Variants in RORA observed in about 807,000 individuals in gnomAD.
The protein encoded by RORA is nuclear receptor ROR-alpha.
In RORA, 7 loss-of-function variants were observed where a neutral mutation model predicts 69.5. The ratio of observed to expected loss-of-function variants is 0.10; its 90% CI spans 0.06 to 0.19. RORA has a LOEUF of 0.19. RORA is among the 10% of genes least tolerant of loss of function. The pLI is 1.00. For synonymous variants in RORA, 261 were observed against 240.8 expected, an observed-to-expected ratio of 1.08 and a Z score of -0.78; for missense variants, 457 against 663.0, an observed-to-expected ratio of 0.69 and a Z score of 3.41.
At chr15:61,143,337 C>T (rs1022228430) in intron 1 of RORA, among the ~76,000 whole-genome samples, 2 of 152,058 alleles carry the variant, frequency 1.3e-5, no homozygotes, top group Non-Finnish European at 1.5e-5. Flanking sequence ...GAAAGACAGA[C>T]TTTGTACTTA....
At chr15:60,597,611 TATATATACATACATATATATACATA>T (rs2068721193) in intron 2 of RORA, among the ~76,000 whole-genome samples, 1 of 44,594 alleles carries the variant, frequency 2.2e-5, no homozygotes, top group Non-Finnish European at 3.9e-5. Context: ...TATATATATA[TATATATACATACATATATATACATA>T]TATATATATA....
At chr15:61,012,916 C>G (rs969510079) in intron 1 of RORA, among the ~76,000 whole-genome samples, 19 of 152,318 alleles carry the variant, frequency 1.2e-4, no homozygotes, top group African/African-American at 4.6e-4. Context: ...TCCCAAAATG[C>G]TGGGATTATA....
At chr15:60,969,734 T>C (rs749130376) in intron 1 of RORA, among the ~76,000 whole-genome samples, 7 of 152,314 alleles carry the variant, frequency 4.6e-5, no homozygotes, top group Non-Finnish European at 1.0e-4. Context: ...GTTAGGTACA[T>C]GGTTTTCAGC....
At chr15:60,608,212 G>C (rs1440276912) in intron 2 of RORA, among the ~76,000 whole-genome samples, 1 of 152,184 alleles carries the variant, frequency 6.6e-6, no homozygotes, top group Non-Finnish European at 1.5e-5. Context: ...CATGGACGCG[G>C]AGCTCAGATG....
In RORA at chr15:60,818,826, A is replaced by G. The variant is rs192895073; in HGVS notation, c.167-140140T>C. Among the ~76,000 whole-genome samples, 61 of 152,336 alleles carry G rather than the reference A, an allele frequency of 4.0e-4. No individual in the cohort carries two copies. In the East Asian group the frequency reaches 7.9e-3, roughly 20 times the overall value. ...AGGTACATGTTTCTGAGCCCTGTGT[A>G]CATAAGCCCAGCACGAAACTTGCTA... On this transcript the variant is annotated intron_variant, in intron 1 of 10. Coordinates refer to ENST00000335670, the MANE Select transcript of RORA (RefSeq NM_134261.3).
At chr15:60,912,428 A>AAAAAC (rs1555393980) in intron 1 of RORA, among the ~76,000 whole-genome samples, 11 of 151,346 alleles carry the variant, frequency 7.3e-5, no homozygotes, top group East Asian at 1.9e-4. Flanking sequence ...CATGCCTCAA[A>AAAAAC]AAAACAAAAC....
chr15:61,012,123 T>C (rs894794987), intron 1 of RORA, among the ~76,000 whole-genome samples: 15 of 152,254 alleles, frequency 9.9e-5, no homozygotes, highest in African/African-American at 3.6e-4. Context: ...CAATATTTAC[T>C]GTGAGGCTCT....
At chr15:60,972,382 C>T (rs1893743740) in intron 1 of RORA, among the ~76,000 whole-genome samples, 1 of 152,180 alleles carries the variant, frequency 6.6e-6, no homozygotes, top group Admixed American at 6.5e-5. Context: ...GCTCACGAAG[C>T]ACTCCCGGGA....
At chr15:60,622,006 C>A (rs1199035725) in intron 2 of RORA, among the ~76,000 whole-genome samples, 1 of 151,964 alleles carries the variant, frequency 6.6e-6, no homozygotes, top group East Asian at 1.9e-4. Context: ...CAAGGTTGCA[C>A]CGTTGCACTC....
At chr15:60,849,650 CA>C (rs1041463574) in intron 1 of RORA, among the ~76,000 whole-genome samples, 28 of 152,196 alleles carry the variant, frequency 1.8e-4, no homozygotes, top group African/African-American at 6.5e-4. Context: ...TGCAAAACAA[CA>C]GCGAAGATAA....
At chr15:60,831,607 G>A (rs2073043128) in intron 1 of RORA, among the ~76,000 whole-genome samples, 1 of 152,112 alleles carries the variant, frequency 6.6e-6, no homozygotes, top group South Asian at 2.1e-4. Context: ...CCATATCCAT[G>A]CATTTGTCCC....
Position 61,128,800 on chromosome 15 carries a change from G to A in RORA, c.166+100253C>T, listed in dbSNP as rs747063767. ...ACCAAATATTGGCAATGCATCCTGA[G>A]ACAAGAGTCAAGTGCTAAGCAAAGT... On this transcript the variant is annotated intron_variant, in intron 1 of 10. Coordinates refer to ENST00000335670, the MANE Select transcript of RORA (RefSeq NM_134261.3). This position sits in a 1 kb window ranked among gnomAD's most constrained non-coding sequence, Gnocchi z 4.5. Among the ~76,000 whole-genome samples the A allele has an allele frequency of 1.3e-5, 2 of 152,112 alleles. No homozygotes were observed. Among genetic ancestry groups the A allele is most frequent in the Non-Finnish European group, 2.9e-5 (2 of 68,020 alleles).
At chr15:60,582,373 T>A (rs147973575) in intron 2 of RORA, among the ~76,000 whole-genome samples, 198 of 152,288 alleles carry the variant, frequency 1.3e-3, no homozygotes, top group African/African-American at 4.7e-3. Context: ...ATGTTTCTGT[T>A]TTAATAGAAA....
At chr15:60,664,386 C>G (rs1029427768) in intron 2 of RORA, among the ~76,000 whole-genome samples, 1 of 152,102 alleles carries the variant, frequency 6.6e-6, no homozygotes. Context: ...TGTGAAAGAG[C>G]AGCACAAAAT....
chr15:60,748,507 G>T (rs955312917), intron 1 of RORA, among the ~76,000 whole-genome samples: 1 of 152,134 alleles, frequency 6.6e-6, no homozygotes, highest in African/African-American at 2.4e-5. Flanking sequence ...CTCACAGGTG[G>T]ATTGTGCAGT....
At chr15:61,218,671 AACTCACAC>A (rs1005816214) in intron 1 of RORA, among the ~76,000 whole-genome samples, 1 of 35,180 alleles carries the variant, frequency 2.8e-5, no homozygotes, top group African/African-American at 8.7e-5. Context: ...TTACTAATAT[AACTCACAC>A]ACACACACAC....
chr15:60,999,134 G>C (rs960815409), intron 1 of RORA, among the ~76,000 whole-genome samples: 1 of 152,228 alleles, frequency 6.6e-6, no homozygotes, highest in Admixed American at 6.5e-5. Flanking sequence ...TGTTCAAGCA[G>C]TGGAATTCTT....
rs1491216025 is a variant in RORA, at chr15:61,040,113, G to GAGATATATATAT, written c.166+188939_166+188940insATATATATATCT. ...TCTAATGGCTATGATCACAAGCTTTGATATATATATATATATATATATATA... is the reference window on the plus strand; with the variant it reads ...TCTAATGGCTATGATCACAAGCTTTGAGATATATATATATATATATATATATATATATATATA... On this transcript the variant is annotated intron_variant, in intron 1 of 10. Transcript: ENST00000335670. Among the ~76,000 whole-genome samples the GAGATATATATAT allele has an allele frequency of 8.6e-5, 4 of 46,308 alleles. 1 individual carries two copies. The highest frequency in any genetic ancestry group is 3.9e-4 in the African/African-American group (4 of 10,320). 30.4% of individuals were successfully genotyped at this position (46,308 alleles called of 152,430 possible).
chr15:60,612,819 C>T (rs887242886), intron 2 of RORA, among the ~76,000 whole-genome samples: 6 of 152,138 alleles, frequency 3.9e-5, no homozygotes, highest in African/African-American at 2.4e-5. Flanking sequence ...CTAGTACTCT[C>T]CTGAGTGACT....
Sources: allele counts gnomAD v4.1 joint callset (sites outside exome capture counted in the v4.1 genomes callset), GRCh38; gene constraint gnomAD v4.1.1; non-coding constraint Gnocchi (gnomAD v3.1); transcripts MANE v1.5; gene names NCBI Gene and HGNC (gene_info 2026-07-23, HGNC 2026-07-21).